Variants in ACBD3 observed in about 807,000 individuals in gnomAD.
The protein encoded by ACBD3 is acyl-CoA binding domain containing 3, also known as Golgi resident protein GCP60.
Under a neutral mutation model 66.9 loss-of-function variants are expected in ACBD3, and 30 were observed. The observed-to-expected ratio is 0.45, with a 90% confidence interval of 0.34 to 0.61. ACBD3 has a LOEUF of 0.61. Ranked by LOEUF, ACBD3 falls within the 20% of genes least tolerant of loss-of-function variation. The probability of loss-of-function intolerance (pLI) is 0.02; values close to 1 mark genes in which losing one functional copy is unlikely to be tolerated. For synonymous variants in ACBD3, 278 were observed against 259.8 expected, an observed-to-expected ratio of 1.07 and a Z score of -0.68; for missense variants, 544 against 664.5, an observed-to-expected ratio of 0.82 and a Z score of 1.99.
At position 226,161,570 on chromosome 1, in the gene ACBD3, CTCCTT is replaced by C. The variant is rs763583470; in HGVS notation, c.684_688del (p.Arg229ThrfsTer100). On this transcript the variant is annotated frameshift_variant, in exon 4 of 8. Coordinates refer to ENST00000366812, the MANE Select transcript of ACBD3 (RefSeq NM_022735.4). LOFTEE classifies it high-confidence loss of function. ...CCGAAGCCTTTCTTCTTCTATCCGT[CTCCTT>C]TCCTCTTCCTCCCGTCGAAGCCTTT... The C allele has an allele frequency of 6.2e-7, 1 of 1,614,078 alleles. No individual in the cohort carries two copies. The highest frequency in any genetic ancestry group is 8.5e-7 in the Non-Finnish European group (1 of 1,180,020).
chr1:226,148,299 G>T (rs1264599611), intron 7 of ACBD3, among the ~76,000 whole-genome samples: 1 of 151,994 alleles, frequency 6.6e-6, no homozygotes, highest in Non-Finnish European at 1.5e-5. Flanking sequence ...CTTGGTGCAG[G>T]GTATATGGGT....
At chr1:226,162,120 G>A (rs1363412853) in intron 3 of ACBD3, among the ~76,000 whole-genome samples, 6 of 152,120 alleles carry the variant, frequency 3.9e-5, no homozygotes, top group African/African-American at 9.7e-5. Context: ...CTCACACCAC[G>A]ACATCCTCAG....
chr1:226,152,916 C>T (rs1165322871), intron 6 of ACBD3, among the ~76,000 whole-genome samples: 2 of 152,214 alleles, frequency 1.3e-5, no homozygotes, highest in African/African-American at 2.4e-5. Flanking sequence ...CAAGAATGAC[C>T]TTGGGAAGGC....
chr1:226,155,367 A>T (rs1454135904), intron 5 of ACBD3, among the ~76,000 whole-genome samples: 1 of 151,174 alleles, frequency 6.6e-6, no homozygotes. Flanking sequence ...CAGTGACCTG[A>T]GATCGTGCCA....
intron 5 of ACBD3, among the ~76,000 whole-genome samples, chr1:226,157,053 T>C (rs946022793): frequency 2.0e-5 from 3 of 152,010 alleles, no homozygotes; most frequent in African/African-American, 4.8e-5. Context: ...AAGCAACGTA[T>C]CAAACACCCA....
chr1:226,162,089 A>G (rs1461150129), intron 3 of ACBD3, among the ~76,000 whole-genome samples: 1 of 152,212 alleles, frequency 6.6e-6, no homozygotes, highest in Non-Finnish European at 1.5e-5. Context: ...TAGATGCTCC[A>G]TAGGGGAAGA....
chr1:226,150,144 G>A (rs772540393), intron 7 of ACBD3, among the ~76,000 whole-genome samples: 9 of 147,508 alleles, frequency 6.1e-5, no homozygotes, highest in Non-Finnish European at 3.0e-5. Flanking sequence ...CTACAGCCTC[G>A]AATTCCTGGA....
intron 3 of ACBD3, among the ~76,000 whole-genome samples, chr1:226,162,285 A>C (rs1183467770): frequency 6.6e-6 from 1 of 152,186 alleles, no homozygotes; most frequent in Non-Finnish European, 1.5e-5. Context: ...AAAAAGGTGA[A>C]TACAAAGGAA....
intron 4 of ACBD3, among the ~76,000 whole-genome samples, chr1:226,160,665 GT>G (rs1331976229): frequency 6.6e-6 from 1 of 152,144 alleles, no homozygotes; most frequent in Admixed American, 6.6e-5. Context: ...ATGTTCTCTG[GT>G]TTAACCTACA....
At position 226,154,685 on chromosome 1, in the gene ACBD3, G is replaced by C; in HGVS notation, c.1052C>G (p.Pro351Arg). ...CTCCAGGGCTTCTTCTGCAGCTTCT[G>C]GTTCCAGTTCTTTTTCGGAGCTGTC... ...HTDSSEKELE[P>R]EAAEEALENG... Residue 351 changes from proline to arginine, a missense_variant, in exon 6 of 8, where the codon CCA becomes CGA. Around this residue, in one of 3 missense-constraint regions of ACBD3, gnomAD observed 383 missense variants for 462.4 expected, o/e 0.83. Coordinates refer to ENST00000366812, the MANE Select transcript of ACBD3 (RefSeq NM_022735.4). 1 of 1,613,132 alleles carries C rather than the reference G, an allele frequency of 6.2e-7. No individual in the cohort carries two copies. Among genetic ancestry groups the C allele is most frequent in the Non-Finnish European group, 8.5e-7 (1 of 1,179,486 alleles).
Position 226,152,590 on chromosome 1 carries a change from T to C in ACBD3, c.1120A>G (p.Met374Val), listed in dbSNP as rs755920746. The C allele has an allele frequency of 6.8e-6, 11 of 1,614,022 alleles. No individual in the cohort carries two copies. The highest frequency in any genetic ancestry group is 1.7e-5 in the Admixed American group (1 of 60,000). The stretch of plus-strand genomic sequence containing the variant: ...TCTTTGATCTGAGGTCGTGTCCACA[T>C]GGATGGAGCTGCTATTACTGGAAGA... ...ESLPVIAAPS[M>V]WTRPQIKDFK... Residue 374 changes from methionine (M) to valine (V), a missense_variant, in exon 7 of 8, where the codon ATG (methionine) becomes GTG (valine). Coordinates refer to ENST00000366812, the MANE Select transcript of ACBD3 (RefSeq NM_022735.4).
At chr1:226,156,545 G>A (rs1659674030) in intron 5 of ACBD3, among the ~76,000 whole-genome samples, 1 of 151,976 alleles carries the variant, frequency 6.6e-6, no homozygotes, top group South Asian at 2.1e-4. Context: ...CACGGAAAAA[G>A]CCTTTATGAT....
chr1:226,176,639 G>T (rs1656040496), intron 1 of ACBD3, among the ~76,000 whole-genome samples: 1 of 151,866 alleles, frequency 6.6e-6, no homozygotes, highest in Non-Finnish European at 1.5e-5. Flanking sequence ...GTGGTCTTTG[G>T]CAAGAGGGCA....
chr1:226,171,976 G>A (rs1660002290), intron 1 of ACBD3, among the ~76,000 whole-genome samples: 1 of 151,454 alleles, frequency 6.6e-6, no homozygotes, highest in Non-Finnish European at 1.5e-5. Flanking sequence ...ACTAACATGA[G>A]AAACCCCGTC....
At chr1:226,184,052 G>A (rs1048007633) in intron 1 of ACBD3, among the ~76,000 whole-genome samples, 3 of 152,004 alleles carry the variant, frequency 2.0e-5, no homozygotes, top group Admixed American at 6.6e-5. Context: ...TTAGCCGGGC[G>A]TGGTGGTGGG....
intron 1 of ACBD3, 76 bp downstream of exon 1, chr1:226,186,314 C>T: frequency 7.0e-7 from 1 of 1,429,162 alleles, no homozygotes; most frequent in Non-Finnish European, 9.2e-7. Context: ...CTGGTCCAGT[C>T]ACCCTGGGGA....
chr1:226,151,773 C>T (rs896714436), intron 7 of ACBD3, among the ~76,000 whole-genome samples: 3 of 152,026 alleles, frequency 2.0e-5, no homozygotes, highest in African/African-American at 4.8e-5. Flanking sequence ...TTTGGGAGGC[C>T]GAGGCGGGTG....
chr1:226,169,405 G>A (rs1659944501), intron 1 of ACBD3, among the ~76,000 whole-genome samples: 2 of 151,894 alleles, frequency 1.3e-5, no homozygotes, highest in South Asian at 2.1e-4. Flanking sequence ...CCGCCACCAT[G>A]CTCGGCTAAT....
At chr1:226,160,459 G>A (rs991416309) in intron 4 of ACBD3, among the ~76,000 whole-genome samples, 3 of 152,086 alleles carry the variant, frequency 2.0e-5, no homozygotes, top group Non-Finnish European at 2.9e-5. Flanking sequence ...TCTATTAATA[G>A]ATAACAAAGC....
Sources: gnomAD v4.1 joint callset for allele counts (sites outside exome capture counted in the v4.1 genomes callset) on GRCh38, gnomAD v4.1.1 for gene constraint, gnomAD v4.1.1 regional missense constraint, MANE v1.5 for transcripts, NCBI Gene and HGNC (gene_info 2026-07-23, HGNC 2026-07-21) for gene names.